GPC5: variants seen among roughly 807,000 people sequenced by gnomAD.
GPC5 encodes the protein glypican-5.
A neutral mutation model predicts 53.9 loss-of-function variants in GPC5; 47 were observed. That is an observed-to-expected ratio of 0.87 (90% CI 0.69 to 1.11). The LOEUF (loss-of-function observed/expected upper bound fraction) is 1.11, where lower values mean the gene tolerates loss of function less well. GPC5 is among the 50% of genes most tolerant of loss of function. The pLI, the probability that GPC5 is intolerant of heterozygous loss-of-function variation, is 0.00. For missense variants in GPC5, 748 were observed against 713.1 expected (o/e 1.05, Z -0.56); for synonymous variants, 286 against 263.3 (o/e 1.09, Z -0.84).
chr13:92,832,409 T>C (rs1268668288), intron 7 of GPC5, among the ~76,000 whole-genome samples: 3 of 152,318 alleles, frequency 2.0e-5, no homozygotes, highest in East Asian at 1.9e-4. Flanking sequence ...CAACCAGATA[T>C]GTAATGGATT....
intron 6 of GPC5, among the ~76,000 whole-genome samples, chr13:92,031,942 A>G (rs2040854828): frequency 8.3e-6 from 1 of 121,196 alleles, no homozygotes; most frequent in Non-Finnish European, 1.6e-5. Flanking sequence ...TATATTACAT[A>G]GTATTCCATC....
At chr13:91,695,455 G>A (rs893167315) in intron 3 of GPC5, among the ~76,000 whole-genome samples, 1 of 152,044 alleles carries the variant, frequency 6.6e-6, no homozygotes, top group Non-Finnish European at 1.5e-5. Context: ...CTCACTGCAA[G>A]CTCCGCCTTC....
chr13:91,458,677 T>C (rs988875269), intron 2 of GPC5, among the ~76,000 whole-genome samples: 3 of 152,096 alleles, frequency 2.0e-5, no homozygotes, highest in African/African-American at 4.8e-5. Context: ...CCTGATTACA[T>C]TGATCCAGCA....
At chr13:91,542,850 A>ATTTT (rs3055888) in intron 2 of GPC5, among the ~76,000 whole-genome samples, 6 of 68,210 alleles carry the variant, frequency 8.8e-5, no homozygotes, top group African/African-American at 2.7e-4. Context: ...TGCCCAGCCA[A>ATTTT]TTTTTTTTTT....
At chr13:91,733,059 A>C (rs1470910089) in intron 4 of GPC5, among the ~76,000 whole-genome samples, 1 of 152,192 alleles carries the variant, frequency 6.6e-6, no homozygotes, top group Non-Finnish European at 1.5e-5. Context: ...TCTGTGAAGA[A>C]TGTCAATGGT....
intron 7 of GPC5, among the ~76,000 whole-genome samples, chr13:92,856,705 C>A (rs1047760268): frequency 6.6e-6 from 1 of 151,776 alleles, no homozygotes; most frequent in African/African-American, 2.4e-5. Flanking sequence ...AAGCTGAGAG[C>A]CAAATCAATA....
chr13:91,786,962 G>T (rs2037889521), intron 5 of GPC5, among the ~76,000 whole-genome samples: 1 of 142,420 alleles, frequency 7.0e-6, no homozygotes, highest in African/African-American at 2.6e-5. Flanking sequence ...TTTTTTTTGA[G>T]GCTATTGTAA....
chr13:92,015,159 T>C (rs2040695868), intron 6 of GPC5, among the ~76,000 whole-genome samples: 1 of 152,270 alleles, frequency 6.6e-6, no homozygotes, highest in African/African-American at 2.4e-5. Flanking sequence ...AGGGTTGGTA[T>C]TGATATCCAG....
intron 2 of GPC5, among the ~76,000 whole-genome samples, chr13:91,539,359 G>C (rs560510730): frequency 8.5e-5 from 13 of 152,206 alleles, no homozygotes; most frequent in Non-Finnish European, 1.5e-4. Context: ...GGTCTGACTT[G>C]ATCTAGTTCG....
intron 7 of GPC5, among the ~76,000 whole-genome samples, chr13:92,699,825 G>T (rs946387788): frequency 3.9e-5 from 6 of 152,148 alleles, no homozygotes; most frequent in Admixed American, 2.0e-4. Context: ...TTTTGCATTT[G>T]CTGAGAAGTG....
At chr13:91,712,256 T>C (rs1392330713) in intron 3 of GPC5, among the ~76,000 whole-genome samples, 2 of 151,998 alleles carry the variant, frequency 1.3e-5, no homozygotes, top group Non-Finnish European at 2.9e-5. Flanking sequence ...ATGGATTCTC[T>C]AGTTAAGAGC....
At chr13:91,780,978 A>G (rs2037788957) in intron 5 of GPC5, among the ~76,000 whole-genome samples, 1 of 152,236 alleles carries the variant, frequency 6.6e-6, no homozygotes, top group African/African-American at 2.4e-5. Flanking sequence ...TTGCAAGAGA[A>G]GAGTATAGGA....
At chr13:92,316,145 AATG>A (rs2043177841) in intron 7 of GPC5, among the ~76,000 whole-genome samples, 2 of 152,256 alleles carry the variant, frequency 1.3e-5, no homozygotes, top group Admixed American at 6.5e-5. Flanking sequence ...CTGAGAATGC[AATG>A]ATAAGTAAGA....
intron 2 of GPC5, among the ~76,000 whole-genome samples, chr13:91,503,792 T>TAATAAC (rs1884784719): frequency 7.0e-6 from 1 of 143,554 alleles, no homozygotes; most frequent in African/African-American, 2.6e-5. Context: ...ATAATAATAA[T>TAATAAC]AATAATAATA....
chr13:92,542,215 T>C (rs1881953394), intron 7 of GPC5, among the ~76,000 whole-genome samples: 1 of 152,078 alleles, frequency 6.6e-6, no homozygotes, highest in South Asian at 2.1e-4. Flanking sequence ...TCCCACCTAT[T>C]TGAAAATATA....
intron 2 of GPC5, among the ~76,000 whole-genome samples, chr13:91,525,426 G>C (rs984694867): frequency 3.3e-5 from 5 of 152,164 alleles, no homozygotes; most frequent in Non-Finnish European, 7.3e-5. Flanking sequence ...CTTATGCAGT[G>C]ATTAATTATG....
chr13:91,414,245 G>C (rs1025893996), intron 1 of GPC5, among the ~76,000 whole-genome samples: 3 of 152,192 alleles, frequency 2.0e-5, no homozygotes, highest in Non-Finnish European at 4.4e-5. Context: ...GAGTTCTCAC[G>C]AGATCTAATG....
At chr13:92,619,539 A>C (rs1473694963) in intron 7 of GPC5, among the ~76,000 whole-genome samples, 1 of 152,022 alleles carries the variant, frequency 6.6e-6, no homozygotes, top group Non-Finnish European at 1.5e-5. Context: ...AACACTGAAG[A>C]GTACAAAGAT....
chr13:92,730,222 G>C (rs562430648), intron 7 of GPC5, among the ~76,000 whole-genome samples: 1 of 151,302 alleles, frequency 6.6e-6, no homozygotes, highest in East Asian at 1.9e-4. Context: ...GCAGTTTTAA[G>C]TTTAGAGAGA....
Sources: gnomAD v4.1 joint callset for allele counts (sites outside exome capture counted in the v4.1 genomes callset) on GRCh38, gnomAD v4.1.1 for gene constraint, MANE v1.5 for transcripts, NCBI Gene and HGNC (gene_info 2026-07-23, HGNC 2026-07-21) for gene names.